The following ZBTB7C variants were observed in gnomAD, a reference collection of about 807,000 sequenced individuals.
ZBTB7C encodes the protein zinc finger and BTB domain-containing protein 7C.
A neutral mutation model predicts 25.7 loss-of-function variants in ZBTB7C; 8 were observed. The observed-to-expected ratio is 0.31, with a 90% confidence interval of 0.18 to 0.56. ZBTB7C has a LOEUF of 0.56. ZBTB7C is among the 20% of genes least tolerant of loss of function. The probability of loss-of-function intolerance (pLI) is 0.91; values close to 1 mark genes in which losing one functional copy is unlikely to be tolerated. For synonymous variants in ZBTB7C, 394 were observed against 369.0 expected (o/e 1.07, Z -0.78); for missense variants, 824 against 855.2 (o/e 0.96, Z 0.46).
intron 3 of ZBTB7C, among the ~76,000 whole-genome samples, chr18:48,107,376 A>G (rs1207701536): frequency 6.7e-6 from 1 of 149,114 alleles, no homozygotes; most frequent in African/African-American, 2.5e-5. Context: ...AGGAGGGGAG[A>G]GGAGAGGTGG....
In ZBTB7C at chr18:48,264,721, G is replaced by A. The variant is rs577112961; in HGVS notation, c.-79+73453C>T. Among the ~76,000 whole-genome samples the A allele has an allele frequency of 5.9e-5, 9 of 152,282 alleles. No homozygotes were observed. The South Asian group carries it at 1.0e-3, about 18-fold the overall frequency. On this transcript the variant is annotated intron_variant, in intron 2 of 4. Coordinates refer to ENST00000590800, the MANE Select transcript of ZBTB7C (RefSeq NM_001318841.2). ...CCACCAAATGGTCTGCTCACATGGG[G>A]AATGGTGACTAACTACATGTTCATG...
chr18:48,388,381 G>T (rs4940366), intron 1 of ZBTB7C, among the ~76,000 whole-genome samples: 49,240 of 151,916 alleles, frequency 0.32, 8,675 homozygotes, highest in East Asian at 0.69. Flanking sequence ...TGTTCCTTAA[G>T]GTCAGGAATT....
At chr18:48,153,135 C>T (rs1024076564) in intron 3 of ZBTB7C, among the ~76,000 whole-genome samples, 4 of 152,240 alleles carry the variant, frequency 2.6e-5, no homozygotes, top group African/African-American at 9.6e-5. Flanking sequence ...CTCTCCTCTT[C>T]CCTTTGCCTT....
Position 48,040,302 on chromosome 18 carries a change from T to C in ZBTB7C, c.806A>G (p.Gln269Arg). The C allele has an allele frequency of 2.5e-6, 4 of 1,577,608 alleles. No individual in the cohort carries two copies. Among genetic ancestry groups the C allele is most frequent in the Non-Finnish European group, 2.6e-6 (3 of 1,163,956 alleles). Residue 269 changes from glutamine to arginine, a missense_variant, in exon 4 of 5, where the codon CAG becomes CGG. Gln to Arg is a conservative substitution (Grantham distance 43). Around this residue, in one of 4 missense-constraint regions of ZBTB7C, gnomAD observed 316 missense variants for 299.2 expected, o/e 1.06. Coordinates refer to ENST00000590800, the MANE Select transcript of ZBTB7C (RefSeq NM_001318841.2). ...ACTGTCCATGGGCTGCTCAGGCAGC[T>C]GGGCAAAGGCACCGAAGTCCCCTGG... ...LWPGDFGAFA[Q>R]LPEQPMDSGP...
At chr18:48,373,737 A>G (rs1042685352) in intron 1 of ZBTB7C, among the ~76,000 whole-genome samples, 1 of 152,196 alleles carries the variant, frequency 6.6e-6, no homozygotes, top group Non-Finnish European at 1.5e-5. Context: ...CAAGGCGGGC[A>G]GATCACAAGG....
intron 3 of ZBTB7C, among the ~76,000 whole-genome samples, chr18:48,108,229 G>C (rs750592000): frequency 1.6e-4 from 25 of 152,186 alleles, no homozygotes; most frequent in Non-Finnish European, 3.5e-4. Flanking sequence ...CACTGGGCCA[G>C]ACCTCGGGTT....
chr18:48,213,886 C>T (rs565883955), intron 2 of ZBTB7C, among the ~76,000 whole-genome samples: 1 of 152,310 alleles, frequency 6.6e-6, no homozygotes, highest in East Asian at 1.9e-4. Context: ...ATGGAGCTGT[C>T]AAAATGTAGG....
chr18:48,154,893 T>C (rs2040789609), intron 3 of ZBTB7C, among the ~76,000 whole-genome samples: 1 of 152,198 alleles, frequency 6.6e-6, no homozygotes, highest in Non-Finnish European at 1.5e-5. Flanking sequence ...TTTATGGGAA[T>C]TGTTTAAAAG....
chr18:48,393,034 A>G (rs909325152), intron 1 of ZBTB7C, among the ~76,000 whole-genome samples: 5 of 152,242 alleles, frequency 3.3e-5, no homozygotes, highest in East Asian at 1.9e-4. Flanking sequence ...AGCACTGTCT[A>G]TTAGTGAGAA....
intron 4 of ZBTB7C, among the ~76,000 whole-genome samples, chr18:48,039,005 T>C (rs957942894): frequency 6.6e-6 from 1 of 152,236 alleles, no homozygotes; most frequent in African/African-American, 2.4e-5. Flanking sequence ...AAGCTGGCAG[T>C]GGGCAGATCT....
intron 3 of ZBTB7C, among the ~76,000 whole-genome samples, chr18:48,065,710 C>T (rs1192333300): frequency 1.3e-5 from 2 of 152,168 alleles, no homozygotes; most frequent in Non-Finnish European, 2.9e-5. Context: ...GAGGCCTGAC[C>T]TCTCGCCCTG....
chr18:48,206,378 A>G (rs972797993), intron 2 of ZBTB7C, among the ~76,000 whole-genome samples: 9 of 152,194 alleles, frequency 5.9e-5, no homozygotes, highest in African/African-American at 2.2e-4. Flanking sequence ...AGTCAACTGG[A>G]TAGCTATATT....
At chr18:48,209,594 A>C (rs4939762) in intron 2 of ZBTB7C, among the ~76,000 whole-genome samples, 18,498 of 152,184 alleles carry the variant, frequency 0.12, 1,518 homozygotes, top group Non-Finnish European at 0.18. Context: ...TCTCTACAAA[A>C]AATAAAAAAC....
intron 2 of ZBTB7C, among the ~76,000 whole-genome samples, chr18:48,232,401 T>TGTCATACTTTGTTA (rs2043279488): frequency 6.6e-6 from 1 of 152,154 alleles, no homozygotes; most frequent in Admixed American, 6.5e-5. Context: ...CCACCTACTT[T>TGTCATACTTTGTTA]GTCATACTTT....
Position 48,040,310 on chromosome 18 carries a change from G to C in ZBTB7C, c.798C>G (p.Ala266=). The C allele has an allele frequency of 6.3e-7, 1 of 1,582,220 alleles. No homozygotes were observed. The highest frequency in any genetic ancestry group is 8.6e-7 in the Non-Finnish European group (1 of 1,166,070). ...TGGGCTGCTCAGGCAGCTGGGCAAA[G>C]GCACCGAAGTCCCCTGGCCAGAGGT... ...FPHLWPGDFG[A]FAQLPEQPMD... is the part of the protein sequence containing the mutation. Residue 266 remains alanine, a synonymous_variant, in exon 4 of 5, where the codon GCC becomes GCG. Transcript: ENST00000590800.
chr18:48,071,037 G>T (rs1238585708), intron 3 of ZBTB7C, among the ~76,000 whole-genome samples: 3 of 152,182 alleles, frequency 2.0e-5, no homozygotes, highest in Admixed American at 1.3e-4. Context: ...ATGTCATACT[G>T]CTTTTCACAT....
chr18:48,363,402 C>T (rs930845339), intron 1 of ZBTB7C, among the ~76,000 whole-genome samples: 1 of 152,034 alleles, frequency 6.6e-6, no homozygotes, highest in African/African-American at 2.4e-5. Flanking sequence ...CCAGCCCCCA[C>T]CCACCTAGAA....
At chr18:48,304,278 T>G (rs551905720) in intron 2 of ZBTB7C, among the ~76,000 whole-genome samples, 106 of 152,360 alleles carry the variant, frequency 7.0e-4, no homozygotes, top group Non-Finnish European at 1.3e-3. Flanking sequence ...TTTTTCCAGT[T>G]GTATTACTTT....
intron 2 of ZBTB7C, among the ~76,000 whole-genome samples, chr18:48,318,896 TG>T (rs2046019765): frequency 2.0e-5 from 3 of 152,276 alleles, no homozygotes; most frequent in South Asian, 4.1e-4. Context: ...TCCCCTCCCC[TG>T]GCAACCAAGC....
Sources: gnomAD v4.1 joint callset for allele counts (sites outside exome capture counted in the v4.1 genomes callset) on GRCh38, gnomAD v4.1.1 for gene constraint, gnomAD v4.1.1 regional missense constraint, MANE v1.5 for transcripts, NCBI Gene and HGNC (gene_info 2026-07-23, HGNC 2026-07-21) for gene names.